The following NDUFAF7 variants were observed in gnomAD, a reference collection of about 807,000 sequenced individuals.
NDUFAF7 encodes the protein NADH:ubiquinone oxidoreductase complex assembly factor 7, also known as protein arginine methyltransferase NDUFAF7, mitochondrial.
NDUFAF7 carries 48 observed loss-of-function variants against 47.2 expected under a neutral mutation model. The observed-to-expected ratio is 1.02, with a 90% confidence interval of 0.81 to 1.29. The LOEUF (loss-of-function observed/expected upper bound fraction) is 1.29. Among genes scored for constraint, NDUFAF7 ranks in the 50% most tolerant of loss-of-function variants. The pLI, the probability that NDUFAF7 is intolerant of heterozygous loss-of-function variation, is 0.00. For synonymous variants in NDUFAF7, 217 were observed against 190.0 expected, an observed-to-expected ratio of 1.14 and a Z score of -1.17; for missense variants, 635 against 537.6, an observed-to-expected ratio of 1.18 and a Z score of -1.79.
chr2:37,247,348 T>C, intron 8 of NDUFAF7, 108 bp from the exon 9 acceptor site: 1 of 1,328,196 alleles, frequency 7.5e-7, no homozygotes, highest in Non-Finnish European at 1.1e-6. Flanking sequence ...AGAGCTCTAT[T>C]CCGTCACCTC....
chr2:37,244,932 G>A (rs1283841734), intron 7 of NDUFAF7, among the ~76,000 whole-genome samples: 2 of 152,078 alleles, frequency 1.3e-5, no homozygotes, highest in Non-Finnish European at 2.9e-5. Flanking sequence ...GGGAGGGAGC[G>A]AATATTCTCT....
At chr2:37,269,800 T>C in the NDUFAF7 span, 1 of 777,614 alleles carries the variant, frequency 1.3e-6, no homozygotes, top group African/African-American at 1.8e-5. Flanking sequence ...AAGCAGCTAA[T>C]TTCCATAAAG....
At chr2:37,255,763 T>C (rs1158138957), downstream of NDUFAF7, among the ~76,000 whole-genome samples, 1 of 152,192 alleles carries the variant, frequency 6.6e-6, no homozygotes. Context: ...CCCAGCACTT[T>C]GGGAGGTCAA....
chr2:37,245,873 G>A (rs1666845449), intron 7 of NDUFAF7, among the ~76,000 whole-genome samples, 179 bp from the exon 8 acceptor site: 1 of 152,168 alleles, frequency 6.6e-6, no homozygotes, highest in Non-Finnish European at 1.5e-5. Flanking sequence ...AAAGAACTAA[G>A]GAGTTTTGTA....
At chr2:37,238,104 G>C (rs562615801) in intron 4 of NDUFAF7, among the ~76,000 whole-genome samples, 1 of 152,240 alleles carries the variant, frequency 6.6e-6, no homozygotes, top group East Asian at 1.9e-4. Flanking sequence ...GACATTATGG[G>C]AGAGTGTATT....
At chr2:37,247,315 G>A in intron 8 of NDUFAF7, 141 bp from the exon 9 acceptor site, 9 of 1,005,050 alleles carry the variant, frequency 9.0e-6, no homozygotes, top group Non-Finnish European at 1.4e-5. Context: ...CTGCCTAGGT[G>A]TTCCCTGCCT....
chr2:37,246,516 C>A (rs1232545252), intron 8 of NDUFAF7, among the ~76,000 whole-genome samples: 1 of 152,130 alleles, frequency 6.6e-6, no homozygotes, highest in Non-Finnish European at 1.5e-5. Context: ...TCTGTAACCC[C>A]CTTCATTCAA....
chr2:37,249,768 C>G (rs1667329649), downstream of NDUFAF7, among the ~76,000 whole-genome samples: 1 of 151,830 alleles, frequency 6.6e-6, no homozygotes, highest in Admixed American at 6.6e-5. Context: ...TGTGTTAATA[C>G]TGGAAACAAA....
chr2:37,260,102 T>C, the NDUFAF7 span: 668 of 835,394 alleles, frequency 8.0e-4, 12 homozygotes, highest in South Asian at 0.012. Context: ...GAGGCAGAGG[T>C]TGCAGTGAGC....
Position 37,232,152 on chromosome 2 carries a change from G to A in NDUFAF7, c.102G>A (p.Glu34=), listed in dbSNP as rs777053652. The part of the protein sequence containing the change: ...WRGKYFSSGN[E]PAENPVTPML... ...GGAAATACTTCAGCTCCGGGAATGA[G>A]CCTGCAGAAAACCCGGTGACGCCGA... is the stretch of plus-strand genomic sequence containing the variant. Residue 34 remains glutamate (E), a synonymous_variant, in exon 2 of 10, where the codon GAG becomes GAA. Coordinates refer to ENST00000002125, the MANE Select transcript of NDUFAF7 (RefSeq NM_144736.5). 3.1e-6 allele frequency: 5 copies of A among 1,614,124 alleles called. No homozygotes were observed. In the South Asian group the frequency reaches 4.4e-5, roughly 14 times the overall value.
downstream of NDUFAF7, chr2:37,253,422 T>G (rs937862185): frequency 7.2e-6 from 9 of 1,256,900 alleles, no homozygotes; most frequent in African/African-American, 1.9e-5. Flanking sequence ...TTGTTTTGTG[T>G]TTTTTTTTGT....
intron 7 of NDUFAF7, among the ~76,000 whole-genome samples, chr2:37,244,444 G>T (rs1029662549): frequency 3.9e-5 from 6 of 152,162 alleles, no homozygotes; most frequent in African/African-American, 1.2e-4. Context: ...GCTACAGCAT[G>T]GCTTTTATCC....
At chr2:37,251,800 C>T (rs1667525658), downstream of NDUFAF7, 1 of 151,802 alleles carries the variant, frequency 6.6e-6, no homozygotes, top group Admixed American at 6.6e-5. Flanking sequence ...GCCATCTGTC[C>T]AGGCCAACAT....
chr2:37,252,806 CTTGT>C (rs1260653578), downstream of NDUFAF7: 4 of 147,062 alleles, frequency 2.7e-5, no homozygotes, highest in Admixed American at 7.0e-5. Context: ...GCTAGCTTGA[CTTGT>C]TTTTCATTAA....
At chr2:37,249,663 C>CACACACAT (rs1553361409), downstream of NDUFAF7, among the ~76,000 whole-genome samples, 668 of 151,176 alleles carry the variant, frequency 4.4e-3, 11 homozygotes, top group African/African-American at 0.015. Context: ...CACACACACA[C>CACACACAT]ACACACACAC....
intron 4 of NDUFAF7, 63 bp from the exon 5 acceptor site, chr2:37,241,515 A>G: frequency 7.6e-7 from 1 of 1,319,610 alleles, no homozygotes; most frequent in Admixed American, 1.9e-5. Context: ...ATTGATGTAA[A>G]TGATTAGGAA....
chr2:37,253,012 G>A (rs1023715515), downstream of NDUFAF7: 11 of 579,294 alleles, frequency 1.9e-5, no homozygotes, highest in Non-Finnish European at 2.4e-5. Flanking sequence ...TCAGTTTCCC[G>A]CCTGTACCTA....
chr2:37,248,608 A>G lies in NDUFAF7; in HGVS notation c.*258A>G. 1 of 469,432 alleles carries G rather than the reference A, an allele frequency of 2.1e-6. No homozygotes were observed. The highest frequency in any genetic ancestry group is 2.0e-5 in the African/African-American group (1 of 50,812). The allele number at this position is 469,432 out of a possible 1,614,324, so 29.1% of individuals were successfully genotyped here. A position where few individuals can be genotyped will look rare whatever the true frequency, so the allele number is the denominator to read the frequency against. ...TTACAAAGCTAGTTGCCATATTTCTATTTTATTTTAAAAAGTAAACATGCG... is the reference window on the plus strand; with the variant it reads ...TTACAAAGCTAGTTGCCATATTTCTGTTTTATTTTAAAAAGTAAACATGCG... On this transcript the variant is annotated 3_prime_UTR_variant, in exon 10 of 10. Coordinates refer to ENST00000002125, the MANE Select transcript of NDUFAF7 (RefSeq NM_144736.5).
At chr2:37,234,526 C>A (rs561763143) in intron 2 of NDUFAF7, among the ~76,000 whole-genome samples, 53 of 152,252 alleles carry the variant, frequency 3.5e-4, no homozygotes, top group African/African-American at 1.2e-3. Context: ...CTATAGGCAT[C>A]ACTGGGCTAC....
Sources: gnomAD v4.1 joint callset for allele counts (sites outside exome capture counted in the v4.1 genomes callset) on GRCh38, gnomAD v4.1.1 for gene constraint, MANE v1.5 for transcripts, NCBI Gene and HGNC (gene_info 2026-07-23, HGNC 2026-07-21) for gene names.